Variants in ABL2 observed in about 807,000 individuals in gnomAD.
The protein encoded by ABL2 is tyrosine-protein kinase ABL2.
A neutral mutation model predicts 107.7 loss-of-function variants in ABL2; 49 were observed. The observed-to-expected ratio is 0.45, with a 90% CI of 0.36 to 0.58. The LOEUF is 0.58. ABL2 is among the 20% of genes least tolerant of loss of function. The pLI, the probability that ABL2 is intolerant of heterozygous loss-of-function variation, is 0.00. For missense variants in ABL2, 1,245 were observed against 1,457.0 expected (o/e 0.85, Z 2.37); for synonymous variants, 549 against 548.6 (o/e 1.00, Z -0.01).
intron 1 of ABL2, among the ~76,000 whole-genome samples, chr1:179,226,060 A>G (rs1274125232): frequency 9.3e-5 from 14 of 150,012 alleles, no homozygotes; most frequent in African/African-American, 3.2e-4. Flanking sequence ...AAAAAAAAAA[A>G]AAAAAAAAAA....
At chr1:179,133,168 T>C (rs1656509085) in intron 2 of ABL2, 144 bp downstream of exon 2, 1 of 1,403,716 alleles carries the variant, frequency 7.1e-7, no homozygotes, top group African/African-American at 1.4e-5. Context: ...GGCCAACTTA[T>C]TTTTAATATA....
chr1:179,207,135 A>G (rs1248491892), intron 1 of ABL2, among the ~76,000 whole-genome samples: 1 of 151,386 alleles, frequency 6.6e-6, no homozygotes, highest in African/African-American at 2.4e-5. Context: ...TACCTTCTGA[A>G]GTCAGCTCCT....
chr1:179,135,258 C>T (rs189930220), intron 1 of ABL2, among the ~76,000 whole-genome samples: 4 of 151,710 alleles, frequency 2.6e-5, no homozygotes, highest in Admixed American at 6.6e-5. Context: ...CATCTCTGCC[C>T]GGGCCGCCAT....
chr1:179,217,641 G>T (rs1028685936), intron 1 of ABL2, among the ~76,000 whole-genome samples: 1 of 146,582 alleles, frequency 6.8e-6, no homozygotes, highest in Non-Finnish European at 1.5e-5. Flanking sequence ...AAAAAAAAAA[G>T]AAAAGAAATA....
intron 1 of ABL2, chr1:179,183,963 G>T: frequency 3.8e-6 from 1 of 265,650 alleles, no homozygotes; most frequent in Non-Finnish European, 7.4e-6. Context: ...AAAAAGAACA[G>T]CAGGAAGCAA....
At chr1:179,177,724 CAA>C (rs1660130201) in intron 1 of ABL2, among the ~76,000 whole-genome samples, 1 of 152,046 alleles carries the variant, frequency 6.6e-6, no homozygotes, top group African/African-American at 2.4e-5. Flanking sequence ...TCCTTTTCTG[CAA>C]AGTTAGACTA....
At chr1:179,144,172 T>C (rs75519997) in intron 1 of ABL2, among the ~76,000 whole-genome samples, 13,030 of 152,090 alleles carry the variant, frequency 0.086, 622 homozygotes, top group African/African-American at 0.093. Context: ...AAAGAGCGTT[T>C]GTAGGCCAGG....
At chr1:179,220,394 CTT>C (rs1662807508) in intron 1 of ABL2, among the ~76,000 whole-genome samples, 1 of 152,150 alleles carries the variant, frequency 6.6e-6, no homozygotes, top group African/African-American at 2.4e-5. Context: ...GCTGGTTTTT[CTT>C]GTTTGGTTTT....
intron 1 of ABL2, among the ~76,000 whole-genome samples, chr1:179,210,243 T>A (rs910661618): frequency 6.6e-5 from 10 of 152,116 alleles, no homozygotes; most frequent in Non-Finnish European, 1.5e-4. Context: ...CGGTGGCTCA[T>A]GCCTATAATC....
At chr1:179,227,970 A>C (rs936280307) in intron 1 of ABL2, among the ~76,000 whole-genome samples, 4 of 149,952 alleles carry the variant, frequency 2.7e-5, no homozygotes, top group Non-Finnish European at 4.4e-5. Context: ...GAATCGCTTG[A>C]ACCTGGGAGG....
At chr1:179,166,396 A>G (rs1288213760) in intron 1 of ABL2, among the ~76,000 whole-genome samples, 5 of 71,650 alleles carry the variant, frequency 7.0e-5, no homozygotes, top group Non-Finnish European at 1.3e-4. Flanking sequence ...CTCAATACTA[A>G]AAAAAAAAAA....
Position 179,123,180 on chromosome 1 carries a change from G to A in ABL2, c.688-1313C>T, listed in dbSNP as rs78492295. Among the ~76,000 whole-genome samples, 20 of 152,226 alleles carry A rather than the reference G, an allele frequency of 1.3e-4. 1 individual carries two copies. The East Asian group carries it at 3.7e-3, about 28-fold the overall frequency. ...CTCATAATTTTAATTATGACGTGCAGTTGAGTGTCTAGGCCATTAAAGAAA... is the reference window on the plus strand; with the variant it reads ...CTCATAATTTTAATTATGACGTGCAATTGAGTGTCTAGGCCATTAAAGAAA... On this transcript the variant is annotated intron_variant, in intron 4 of 11. Transcript: ENST00000502732.
chr1:179,114,247 C>CA (rs879471805), intron 9 of ABL2, among the ~76,000 whole-genome samples: 98 of 137,126 alleles, frequency 7.1e-4, no homozygotes, highest in African/African-American at 5.9e-4. Context: ...GAGTCCGTCT[C>CA]AAAAAAAAAA....
Position 179,112,413 on chromosome 1 carries a change from A to T in ABL2, c.1562-15T>A, listed in dbSNP as rs1654179118. 1.9e-6 allele frequency: 3 copies of T among 1,598,906 alleles called. No individual in the cohort carries two copies. The highest frequency in any genetic ancestry group is 2.6e-6 in the Non-Finnish European group (3 of 1,167,484). On this transcript the variant is annotated splice_polypyrimidine_tract_variant and intron_variant, in intron 9 of 11. Coordinates refer to ENST00000502732, the MANE Select transcript of ABL2 (RefSeq NM_007314.4). The stretch of plus-strand genomic sequence containing the variant: ...CCACTTCCAGCCTATGTAACAGAAG[A>T]AAAAATATTAAAAACTCCTTGCAGA...
intron 6 of ABL2, 99 bp from the exon 7 acceptor site, chr1:179,118,863 C>T (rs951685513): frequency 4.7e-6 from 6 of 1,285,462 alleles, no homozygotes; most frequent in African/African-American, 3.0e-5. Flanking sequence ...AGGTCTAGTT[C>T]GGCAATAATC....
intron 1 of ABL2, among the ~76,000 whole-genome samples, chr1:179,174,914 TAAA>T (rs200287014): frequency 0.09 from 9,919 of 110,150 alleles, 889 homozygotes; most frequent in African/African-American, 0.22. Flanking sequence ...AAAAATAAAA[TAAA>T]AAAAATAATA....
chr1:179,123,624 C>T (rs1039366539), intron 4 of ABL2, among the ~76,000 whole-genome samples: 1 of 152,114 alleles, frequency 6.6e-6, no homozygotes, highest in African/African-American at 2.4e-5. Context: ...CCCAAGGGAG[C>T]CTTAATTTTT....
chr1:179,190,585 C>A (rs1660946024), intron 1 of ABL2, among the ~76,000 whole-genome samples: 1 of 151,974 alleles, frequency 6.6e-6, no homozygotes, highest in African/African-American at 2.4e-5. Context: ...CTCCCCCCTC[C>A]ACAGAGACGT....
At chr1:179,111,368 T>G (rs994526989) in intron 10 of ABL2, among the ~76,000 whole-genome samples, 1 of 139,672 alleles carries the variant, frequency 7.2e-6, no homozygotes, top group African/African-American at 2.7e-5. Flanking sequence ...TCACTGCAAC[T>G]TCCGTCTCCC....
Sources: gnomAD v4.1 joint callset for allele counts (sites outside exome capture counted in the v4.1 genomes callset) on GRCh38, gnomAD v4.1.1 for gene constraint, MANE v1.5 for transcripts, NCBI Gene and HGNC (gene_info 2026-07-23, HGNC 2026-07-21) for gene names.